The following SRSF11 variants were observed in gnomAD, a reference collection of about 807,000 sequenced individuals.
SRSF11 encodes serine and arginine rich splicing factor 11.
Under a neutral mutation model 56.0 loss-of-function variants are expected in SRSF11, and 9 were observed. The observed-to-expected ratio is 0.16, with a 90% CI of 0.10 to 0.28. The LOEUF is 0.28. Ranked by LOEUF, SRSF11 falls within the 10% of genes least tolerant of loss-of-function variation. The pLI is 1.00. For missense variants in SRSF11, 421 were observed against 600.7 expected, an observed-to-expected ratio of 0.70 and a Z score of 3.13; for synonymous variants, 222 against 215.3, an observed-to-expected ratio of 1.03 and a Z score of -0.27.
Position 70,252,922 on chromosome 1 carries a change from G to A in SRSF11, c.*2117G>A, listed in dbSNP as rs1678140394. On this transcript the variant is annotated 3_prime_UTR_variant, in exon 12 of 12. Coordinates refer to ENST00000370949, the MANE Select transcript of SRSF11 (RefSeq NM_001350605.2). ...TTCAGTGAACATTTTCTGCACAAAG[G>A]TAGTGTTGCACTGGGACACAAGCCT... The A allele has an allele frequency of 6.6e-6, 1 of 152,138 alleles. No individual in the cohort carries two copies. The highest frequency in any genetic ancestry group is 2.1e-4 in the South Asian group (1 of 4,820). The allele number at this position is 152,138 out of a possible 1,614,324, so 9.4% of individuals were successfully genotyped here. A position where few individuals can be genotyped will look rare whatever the true frequency, so the allele number is the denominator to read the frequency against.
chr1:70,231,708 G>A lies in SRSF11; in HGVS notation c.338-560G>A. 3 of 1,202,954 alleles carry A rather than the reference G, an allele frequency of 2.5e-6. No individual in the cohort carries two copies. In the South Asian group the frequency reaches 4.7e-5, roughly 19 times the overall value. The allele number at this position is 1,202,954 out of a possible 1,614,324, so 74.5% of individuals were successfully genotyped here. A position where few individuals can be genotyped will look rare whatever the true frequency, so the allele number is the denominator to read the frequency against. ...AAAAGCCCTACGCTTGATTCCAACAGAATATTTCCTTTACATACTTTCTTC... is the reference window on the plus strand; with the variant it reads ...AAAAGCCCTACGCTTGATTCCAACAAAATATTTCCTTTACATACTTTCTTC... On this transcript the variant is annotated intron_variant, in intron 2 of 11. Transcript: ENST00000370949.
At chr1:70,233,319 A>AC (rs2100765807) in intron 3 of SRSF11, among the ~76,000 whole-genome samples, 3 of 152,120 alleles carry the variant, frequency 2.0e-5, no homozygotes, top group African/African-American at 7.2e-5. Flanking sequence ...GTCTCGGCTC[A>AC]CCGCAGTCTC....
intron 6 of SRSF11, 112 bp from the exon 7 acceptor site, chr1:70,239,327 A>G (rs568762468): frequency 1.3e-5 from 9 of 686,500 alleles, no homozygotes; most frequent in Admixed American, 1.1e-4. Flanking sequence ...CCTGGACTGA[A>G]GTGTTGCTCC....
At chr1:70,208,714 T>C (rs1201700834) in intron 1 of SRSF11, among the ~76,000 whole-genome samples, 1 of 152,128 alleles carries the variant, frequency 6.6e-6, no homozygotes, top group East Asian at 1.9e-4. Context: ...ATAGAGAAAA[T>C]AACATGTTTT....
intron 2 of SRSF11, chr1:70,230,556 G>A (rs1273478131): frequency 1.6e-6 from 2 of 1,284,200 alleles, no homozygotes; most frequent in Non-Finnish European, 2.0e-6. Flanking sequence ...CATTCATGCA[G>A]TATTTCATGG....
chr1:70,237,990 T>G (rs1371796412), intron 6 of SRSF11, among the ~76,000 whole-genome samples: 1 of 152,232 alleles, frequency 6.6e-6, no homozygotes, highest in African/African-American at 2.4e-5. Context: ...ATTAGTTGTC[T>G]TCTTTGCAGA....
intron 2 of SRSF11, chr1:70,232,061 A>G: frequency 1.3e-6 from 2 of 1,531,046 alleles, no homozygotes; most frequent in Non-Finnish European, 1.8e-6. Flanking sequence ...ATTTGTAGAG[A>G]AAAAGGAAAC....
At chr1:70,229,969 AG>A in intron 2 of SRSF11, 2 of 985,358 alleles carry the variant, frequency 2.0e-6, no homozygotes, top group Non-Finnish European at 2.4e-6. Flanking sequence ...TTGTAGGATA[AG>A]ACCATCAACA....
In SRSF11 at chr1:70,237,299, G is replaced by A. The variant is rs549474152; in HGVS notation, c.591-126G>A. On this transcript the variant is annotated intron_variant, in intron 5 of 11. Transcript: ENST00000370949. ...TATGTTGTTTACCAAAGTTATCATG[G>A]AGTCCTCCCCTCCCTTTTTTTGAAG... 30 of 1,164,166 alleles carry A rather than the reference G, an allele frequency of 2.6e-5. No homozygotes were observed. In the South Asian group the frequency reaches 3.7e-4, roughly 14 times the overall value. 72.1% of individuals were successfully genotyped at this position (1,164,166 alleles called of 1,614,324 possible).
chr1:70,216,559 G>A (rs1281065457), upstream of SRSF11, among the ~76,000 whole-genome samples: 2 of 151,652 alleles, frequency 1.3e-5, no homozygotes, highest in African/African-American at 2.4e-5. Context: ...AGCCTCCCAA[G>A]TAATTGGGAC....
At chr1:70,228,952 G>A (rs1008884759) in intron 2 of SRSF11, 1 of 983,588 alleles carries the variant, frequency 1.0e-6, no homozygotes. Flanking sequence ...AAATAAATGA[G>A]TAGGTTGATT....
intron 1 of SRSF11, among the ~76,000 whole-genome samples, chr1:70,215,943 C>T (rs1301997071): frequency 1.3e-5 from 2 of 152,318 alleles, no homozygotes; most frequent in South Asian, 2.1e-4. Context: ...TGCGCCACCA[C>T]GCGCGGCTGA....
chr1:70,241,627 G>A (rs546548548), intron 7 of SRSF11, among the ~76,000 whole-genome samples: 155 of 152,288 alleles, frequency 1.0e-3, no homozygotes, highest in African/African-American at 3.7e-3. Context: ...AAAGTTACAG[G>A]ACTAATTGCC....
In SRSF11 at chr1:70,206,728, C is replaced by T. The variant is rs564256477; in HGVS notation, c.-26+948C>T. The stretch of plus-strand genomic sequence containing the variant: ...AGGCCCTTTGATCAATTCTTCATCA[C>T]GCACTTTTACCTGAGTCCAGGTTAT... On this transcript the variant is annotated intron_variant, in intron 1 of 12. Coordinates refer to the SRSF11 transcript ENST00000370950. 2.4e-4 allele frequency among the ~76,000 whole-genome samples: 37 copies of T among 152,172 alleles called. No individual in the cohort carries two copies. The East Asian group carries it at 6.6e-3, about 27-fold the overall frequency.
chr1:70,213,174 A>G (rs1669723627), intron 1 of SRSF11, among the ~76,000 whole-genome samples: 1 of 152,230 alleles, frequency 6.6e-6, no homozygotes, highest in Non-Finnish European at 1.5e-5. Context: ...CTTTGTATTC[A>G]TATTTTTAAT....
chr1:70,236,521 G>T (rs1191920193), intron 5 of SRSF11, among the ~76,000 whole-genome samples: 4 of 151,642 alleles, frequency 2.6e-5, no homozygotes, highest in African/African-American at 9.7e-5. Flanking sequence ...TAGTAGAGAC[G>T]GGGTTTCACC....
At position 70,230,134 on chromosome 1, in the gene SRSF11, A is replaced by G. The variant is rs555197670; in HGVS notation, c.337+1579A>G. On this transcript the variant is annotated intron_variant, in intron 2 of 11. Transcript: ENST00000370949. ...GTATTATAGTTCCCAATCCCTGAAC[A>G]TAATACAGTATATCATATAAATGAC... 3.6e-4 allele frequency: 355 copies of G among 983,754 alleles called. No individual in the cohort carries two copies. In the African/African-American group the frequency reaches 6.0e-3, roughly 17 times the overall value. 60.9% of individuals were successfully genotyped at this position (983,754 alleles called of 1,614,324 possible).
chr1:70,229,106 G>A, intron 2 of SRSF11: 1 of 1,191,598 alleles, frequency 8.4e-7, no homozygotes, highest in East Asian at 6.4e-5. Flanking sequence ...GGCACTGGGT[G>A]TTTTATTTTA....
chr1:70,215,054 C>T (rs991200895), intron 1 of SRSF11, among the ~76,000 whole-genome samples: 5 of 151,960 alleles, frequency 3.3e-5, no homozygotes, highest in East Asian at 1.9e-4. Flanking sequence ...CACGCCACCA[C>T]GCCCAGCTAG....
Sources: gnomAD v4.1 joint callset for allele counts (sites outside exome capture counted in the v4.1 genomes callset) on GRCh38, gnomAD v4.1.1 for gene constraint, MANE v1.5 for transcripts, NCBI Gene and HGNC (gene_info 2026-07-23, HGNC 2026-07-21) for gene names.